The following CNTN4 variants were observed in gnomAD, a reference collection of about 807,000 sequenced individuals.
CNTN4 encodes contactin-4.
In CNTN4, 77 loss-of-function variants were observed where a neutral mutation model predicts 122.5. The ratio of observed to expected loss-of-function variants is 0.63; its 90% CI spans 0.52 to 0.76. CNTN4 has a LOEUF of 0.76. CNTN4 is among the 30% of genes least tolerant of loss of function. The pLI, the probability that CNTN4 is intolerant of heterozygous loss-of-function variation, is 0.00. For synonymous variants in CNTN4, 512 were observed against 447.0 expected, an observed-to-expected ratio of 1.15 and a Z score of -1.83; for missense variants, 1,256 against 1,259.1, an observed-to-expected ratio of 1.00 and a Z score of 0.04.
intron 2 of CNTN4, among the ~76,000 whole-genome samples, chr3:2,305,247 C>T (rs1029979161): frequency 6.6e-6 from 1 of 152,128 alleles, no homozygotes; most frequent in African/African-American, 2.4e-5. Flanking sequence ...AAGTAGCTTT[C>T]TTACCTATTA....
At chr3:2,370,703 G>A (rs913171640) in intron 3 of CNTN4, among the ~76,000 whole-genome samples, 2 of 152,176 alleles carry the variant, frequency 1.3e-5, no homozygotes, top group African/African-American at 4.8e-5. Context: ...GTAAGTGAAT[G>A]TGTTACTTAT....
Position 2,193,425 on chromosome 3 carries a change from C to A in CNTN4, c.-145+92786C>A, listed in dbSNP as rs2037682950. ...ATAAAAATGGCTCATCAACTTTATT[C>A]TTCAAAAGTATCACTATAATGGAAG... On this transcript the variant is annotated intron_variant, in intron 2 of 24. Coordinates refer to ENST00000418658, the MANE Select transcript of CNTN4 (RefSeq NM_175607.3). Among the ~76,000 whole-genome samples, 8 of 151,776 alleles carry A rather than the reference C, an allele frequency of 5.3e-5. No individual in the cohort carries two copies. The South Asian group carries it at 1.7e-3, about 31-fold the overall frequency.
intron 3 of CNTN4, among the ~76,000 whole-genome samples, chr3:2,389,339 CATTATGTTGTT>C (rs2046364156): frequency 7.0e-6 from 1 of 143,150 alleles, no homozygotes; most frequent in African/African-American, 2.7e-5. Flanking sequence ...GCAGCCTTCT[CATTATGTTGTT>C]CTCGGAGAAA....
chr3:2,280,244 G>T (rs931052853), intron 2 of CNTN4, among the ~76,000 whole-genome samples: 2 of 152,160 alleles, frequency 1.3e-5, no homozygotes, highest in Non-Finnish European at 2.9e-5. Context: ...ACAGGCGTGA[G>T]CCACTGCACC....
intron 6 of CNTN4, among the ~76,000 whole-genome samples, chr3:2,752,825 A>C (rs1264696344): frequency 6.6e-6 from 1 of 152,136 alleles, no homozygotes; most frequent in African/African-American, 2.4e-5. Flanking sequence ...GTCTTACTAA[A>C]TAAGACCAAC....
At chr3:2,424,725 CTGT>C (rs970902024) in intron 3 of CNTN4, among the ~76,000 whole-genome samples, 16 of 152,184 alleles carry the variant, frequency 1.1e-4, no homozygotes, top group Admixed American at 8.5e-4. Context: ...TCTCCAGTAC[CTGT>C]TGTTTCCTGA....
At chr3:2,729,732 C>T (rs1017264057) in intron 4 of CNTN4, among the ~76,000 whole-genome samples, 3 of 151,560 alleles carry the variant, frequency 2.0e-5, no homozygotes, top group Non-Finnish European at 4.4e-5. Flanking sequence ...GACCAACATG[C>T]TGAAACCCCG....
chr3:2,712,035 C>T (rs535187929), intron 4 of CNTN4, among the ~76,000 whole-genome samples: 1 of 152,202 alleles, frequency 6.6e-6, no homozygotes, highest in East Asian at 1.9e-4. Flanking sequence ...TCTACTCTGG[C>T]TGCTAATGAC....
intron 12 of CNTN4, among the ~76,000 whole-genome samples, chr3:2,912,342 C>G (rs779920148): frequency 4.6e-5 from 7 of 152,132 alleles, no homozygotes; most frequent in Non-Finnish European, 8.8e-5. Flanking sequence ...GTAAAACTGT[C>G]CTTCCAAAAT....
chr3:2,877,214 G>C (rs2093854619), intron 8 of CNTN4, among the ~76,000 whole-genome samples: 1 of 152,214 alleles, frequency 6.6e-6, no homozygotes, highest in Non-Finnish European at 1.5e-5. Flanking sequence ...ATAAGGATCA[G>C]ATCTGTGTTA....
intron 23 of CNTN4, among the ~76,000 whole-genome samples, chr3:3,052,217 G>A (rs940906386): frequency 3.9e-5 from 6 of 152,182 alleles, no homozygotes; most frequent in East Asian, 3.8e-4. Context: ...GAACTGGAGC[G>A]GGGTTACTGA....
chr3:2,441,741 A>T (rs981191268), intron 3 of CNTN4, among the ~76,000 whole-genome samples: 1 of 152,140 alleles, frequency 6.6e-6, no homozygotes, highest in Non-Finnish European at 1.5e-5. Flanking sequence ...GATTTTCATC[A>T]TATTTTACCC....
chr3:2,287,692 A>AAG (rs1559415753), intron 2 of CNTN4, among the ~76,000 whole-genome samples: 12 of 91,760 alleles, frequency 1.3e-4, no homozygotes, highest in Non-Finnish European at 2.3e-4. Flanking sequence ...GAAGAAGAAG[A>AAG]GGAAGAAGAA....
chr3:2,761,247 G>A (rs1221018449), intron 6 of CNTN4, among the ~76,000 whole-genome samples: 6 of 152,074 alleles, frequency 3.9e-5, no homozygotes, highest in Non-Finnish European at 8.8e-5. Context: ...CAGTCTTCCT[G>A]TTGGCCTTGT....
intron 3 of CNTN4, among the ~76,000 whole-genome samples, chr3:2,450,494 A>C (rs569781834): frequency 1.9e-4 from 29 of 152,212 alleles, no homozygotes; most frequent in Admixed American, 3.9e-4. Flanking sequence ...GAAGGCTATG[A>C]TGATTCTCAA....
intron 2 of CNTN4, among the ~76,000 whole-genome samples, chr3:2,333,830 A>G (rs909707609): frequency 6.6e-6 from 1 of 152,214 alleles, no homozygotes; most frequent in Non-Finnish European, 1.5e-5. Flanking sequence ...GGAAATTCTG[A>G]AAATAAACAT....
rs146345881 is a variant in CNTN4 at position 2,911,136 on chromosome 3, C to T, written c.1207+8131C>T. 3.4e-3 allele frequency among the ~76,000 whole-genome samples: 522 copies of T among 152,190 alleles called. 1 individual carries two copies. Among genetic ancestry groups the T allele is most frequent in the Non-Finnish European group, 6.5e-3 (440 of 68,008 alleles). ...AAGTACTACCTAAGGGAGTGGTTTC[C>T]GTTTTGCCTGAATCTAAGTGATGAC... On this transcript the variant is annotated intron_variant, in intron 12 of 24. Coordinates refer to ENST00000418658, the MANE Select transcript of CNTN4 (RefSeq NM_175607.3).
intron 14 of CNTN4, among the ~76,000 whole-genome samples, chr3:3,019,783 T>C (rs971421845): frequency 8.6e-6 from 1 of 116,310 alleles, no homozygotes; most frequent in Non-Finnish European, 1.8e-5. Context: ...TATATATATA[T>C]ATATATATAT....
intron 7 of CNTN4, among the ~76,000 whole-genome samples, chr3:2,826,923 A>G (rs1359902252): frequency 6.6e-6 from 1 of 152,188 alleles, no homozygotes; most frequent in Non-Finnish European, 1.5e-5. Flanking sequence ...CTGCCTCCTT[A>G]GTCCAGACAC....
Sources: gnomAD v4.1 joint callset for allele counts (sites outside exome capture counted in the v4.1 genomes callset) on GRCh38, gnomAD v4.1.1 for gene constraint, MANE v1.5 for transcripts, NCBI Gene and HGNC (gene_info 2026-07-23, HGNC 2026-07-21) for gene names.